Variants in ATP8B4 observed in about 807,000 individuals in gnomAD.
ATP8B4 encodes ATPase phospholipid transporting 8B4 (putative), also known as probable phospholipid-transporting ATPase IM.
Under a neutral mutation model 145.6 loss-of-function variants are expected in ATP8B4, and 133 were observed. The observed-to-expected ratio is 0.91, with a 90% CI of 0.79 to 1.05. The LOEUF (loss-of-function observed/expected upper bound fraction) is 1.05. Among genes scored for constraint, ATP8B4 ranks in the 50% least tolerant of loss-of-function variants. ATP8B4 has a pLI of 0.00. For synonymous variants in ATP8B4, 507 were observed against 492.9 expected (o/e 1.03, Z -0.38); for missense variants, 1,458 against 1,425.2 (o/e 1.02, Z -0.37).
intron 1 of ATP8B4, among the ~76,000 whole-genome samples, chr15:50,113,611 G>T (rs2057053254): frequency 6.6e-6 from 1 of 152,088 alleles, no homozygotes; most frequent in South Asian, 2.1e-4. Context: ...GGCCGAGGTG[G>T]GTGGATCACC....
chr15:50,029,808 G>C (rs1273188690), intron 6 of ATP8B4, among the ~76,000 whole-genome samples: 1 of 152,188 alleles, frequency 6.6e-6, no homozygotes, highest in Non-Finnish European at 1.5e-5. Context: ...TGGGTAGCAA[G>C]ATCAAGGGTG....
chr15:50,125,962 G>T (rs961338797), intron 1 of ATP8B4, among the ~76,000 whole-genome samples: 1 of 152,054 alleles, frequency 6.6e-6, no homozygotes, highest in African/African-American at 2.4e-5. Flanking sequence ...TATCTATTTT[G>T]CCTGGGATTC....
intron 20 of ATP8B4, among the ~76,000 whole-genome samples, chr15:49,905,505 C>G (rs1172875237): frequency 6.6e-6 from 1 of 152,102 alleles, no homozygotes; most frequent in Admixed American, 6.5e-5. Flanking sequence ...ACCCTCAGTC[C>G]TAGTATTAAG....
chr15:49,920,156 G>A (rs1161333229), intron 18 of ATP8B4, 90 bp downstream of exon 18: 7 of 1,468,836 alleles, frequency 4.8e-6, no homozygotes, highest in Non-Finnish European at 6.5e-6. Flanking sequence ...TGTGCAAGAT[G>A]ACTTAGCCAA....
chr15:49,996,600 A>C, intron 9 of ATP8B4, 77 bp downstream of exon 9: 3 of 1,161,788 alleles, frequency 2.6e-6, no homozygotes, highest in Admixed American at 2.1e-5. Flanking sequence ...AGAAACATAA[A>C]TTGGATCTCA....
chr15:50,144,903 C>G (rs1020107522), intron 1 of ATP8B4, among the ~76,000 whole-genome samples: 1 of 151,840 alleles, frequency 6.6e-6, no homozygotes, highest in Non-Finnish European at 1.5e-5. Context: ...TCACTCCTGC[C>G]CTCTACACTT....
chr15:50,134,086 T>C (rs574006700), intron 1 of ATP8B4, among the ~76,000 whole-genome samples: 1 of 152,292 alleles, frequency 6.6e-6, no homozygotes, highest in Admixed American at 6.5e-5. Context: ...CATCACATTG[T>C]ATACCTTAAA....
chr15:49,940,650 A>T (rs2042097380), intron 14 of ATP8B4, among the ~76,000 whole-genome samples: 1 of 152,298 alleles, frequency 6.6e-6, no homozygotes, highest in African/African-American at 2.4e-5. Context: ...CATATGGCTG[A>T]AGTATCTGGT....
chr15:49,969,576 G>T (rs1053262188), intron 13 of ATP8B4, among the ~76,000 whole-genome samples: 1 of 152,142 alleles, frequency 6.6e-6, no homozygotes, highest in Non-Finnish European at 1.5e-5. Context: ...AAACCAGGAA[G>T]AAGTCAAATG....
intron 1 of ATP8B4, among the ~76,000 whole-genome samples, chr15:50,180,220 C>T (rs1842156173): frequency 6.6e-6 from 1 of 152,044 alleles, no homozygotes; most frequent in African/African-American, 2.4e-5. Context: ...GAAAAAGATT[C>T]CTGTACTTCT....
chr15:50,058,130 G>T (rs1039368460), intron 3 of ATP8B4, among the ~76,000 whole-genome samples: 1 of 152,200 alleles, frequency 6.6e-6, no homozygotes, highest in Non-Finnish European at 1.5e-5. Context: ...CATCCCTAAT[G>T]ATCTGTTTGC....
intron 6 of ATP8B4, among the ~76,000 whole-genome samples, chr15:50,037,856 T>C (rs1042145919): frequency 2.0e-5 from 3 of 152,228 alleles, no homozygotes; most frequent in African/African-American, 7.2e-5. Flanking sequence ...CATTATGTTA[T>C]TAGAAATCAA....
intron 6 of ATP8B4, among the ~76,000 whole-genome samples, chr15:50,027,379 G>GTGGATGGATGGATGGATGGATGGA (rs56814126): frequency 0.039 from 5,737 of 148,992 alleles, 145 homozygotes; most frequent in African/African-American, 0.057. Flanking sequence ...GGATGGATGG[G>GTGGATGGATGGATGGATGGATGGA]TGGATGGATG....
In ATP8B4 at chr15:49,879,793, C is replaced by T. The variant is rs376987842; in HGVS notation, c.2698-334G>A. On this transcript the variant is annotated intron_variant, in intron 23 of 27. Coordinates refer to ENST00000284509, the MANE Select transcript of ATP8B4 (RefSeq NM_024837.4). ...TTGTGGTGGGTTGCCATTTTATTCT[C>T]CAGGTTTTCAGTGGCTTATAATGAG... 47 of 179,952 alleles carry T rather than the reference C, an allele frequency of 2.6e-4. 1 individual carries two copies. The East Asian group carries it at 5.0e-3, about 19-fold the overall frequency. 11.1% of individuals were successfully genotyped at this position (179,952 alleles called of 1,614,324 possible).
At chr15:50,048,354 C>T (rs1312883563) in intron 3 of ATP8B4, among the ~76,000 whole-genome samples, 3 of 152,070 alleles carry the variant, frequency 2.0e-5, no homozygotes, top group African/African-American at 4.8e-5. Context: ...TTAAGACACC[C>T]CAATAATCAT....
intron 2 of ATP8B4, among the ~76,000 whole-genome samples, chr15:50,092,347 G>A (rs1277407453): frequency 2.6e-5 from 4 of 151,830 alleles, no homozygotes; most frequent in Admixed American, 1.3e-4. Context: ...AATATCTAGC[G>A]TTCAATAACA....
At chr15:49,976,664 T>A (rs2153528457) in intron 12 of ATP8B4, among the ~76,000 whole-genome samples, 1 of 152,314 alleles carries the variant, frequency 6.6e-6, no homozygotes, top group East Asian at 1.9e-4. Flanking sequence ...ATTGTTGTGT[T>A]ATAGTATAAT....
At chr15:50,107,934 C>T (rs1161611745) in intron 1 of ATP8B4, among the ~76,000 whole-genome samples, 1 of 152,134 alleles carries the variant, frequency 6.6e-6, no homozygotes, top group Non-Finnish European at 1.5e-5. Flanking sequence ...TCTAAAAAGC[C>T]TGAGACCATC....
At chr15:50,100,918 C>T (rs536932211) in intron 2 of ATP8B4, among the ~76,000 whole-genome samples, 1 of 152,186 alleles carries the variant, frequency 6.6e-6, no homozygotes, top group Admixed American at 6.5e-5. Flanking sequence ...TGTCAATTAA[C>T]TAATTAATAA....
Sources: gnomAD v4.1 joint callset for allele counts (sites outside exome capture counted in the v4.1 genomes callset) on GRCh38, gnomAD v4.1.1 for gene constraint, MANE v1.5 for transcripts, NCBI Gene and HGNC (gene_info 2026-07-23, HGNC 2026-07-21) for gene names.